Variants in FAM135B observed in about 807,000 individuals in gnomAD.
FAM135B encodes the protein family with sequence similarity 135 member B, also known as protein FAM135B.
FAM135B carries 43 observed loss-of-function variants against 127.7 expected under a neutral mutation model. The ratio of observed to expected loss-of-function variants is 0.34; its 90% CI spans 0.26 to 0.43. The LOEUF (loss-of-function observed/expected upper bound fraction) is 0.43. Ranked by LOEUF, FAM135B falls within the 20% of genes least tolerant of loss-of-function variation. The pLI is 1.00. For missense variants in FAM135B, 1,558 were observed against 1,725.6 expected (o/e 0.90, Z 1.72); for synonymous variants, 670 against 665.1 (o/e 1.01, Z -0.11).
In FAM135B at chr8:138,256,739, T is replaced by C. The variant is rs1042142476; in HGVS notation, c.318A>G (p.Glu106=). 1.9e-6 allele frequency: 3 copies of C among 1,613,908 alleles called. No individual in the cohort carries two copies. Among genetic ancestry groups the C allele is most frequent in the Non-Finnish European group, 2.5e-6 (3 of 1,179,884 alleles). ...GGERMEDALS[E]VDFQLKVDLH... is the part of the protein sequence containing the mutation. ...GATCCACCTTGAGTTGAAAATCTAC[T>C]TCACTCAGTGCGTCTTCCATCTGCA... Residue 106 remains glutamate (E), a synonymous_variant, in exon 5 of 20, where the codon GAA becomes GAG. Transcript: ENST00000395297.
chr8:138,283,459 G>T (rs1187383562), intron 3 of FAM135B, among the ~76,000 whole-genome samples: 9 of 152,036 alleles, frequency 5.9e-5, no homozygotes, highest in African/African-American at 2.2e-4. Context: ...GTTAAGGGAG[G>T]TGGAGGGATT....
In FAM135B at chr8:138,381,233, C is replaced by T. The variant is rs577726171; in HGVS notation, c.-19-13231G>A. On this transcript the variant is annotated intron_variant, in intron 1 of 19. Coordinates refer to ENST00000395297, the MANE Select transcript of FAM135B (RefSeq NM_015912.4). The stretch of plus-strand genomic sequence containing the variant: ...CTCGCTGTGTCACCACTACCACAAA[C>T]AAACCCTCTCAAAATACTCTCATCA... 5.3e-5 allele frequency among the ~76,000 whole-genome samples: 8 copies of T among 152,276 alleles called. No individual in the cohort carries two copies. The South Asian group carries it at 1.5e-3, about 28-fold the overall frequency.
At chr8:138,266,702 A>G (rs1822962887) in intron 3 of FAM135B, among the ~76,000 whole-genome samples, 1 of 150,602 alleles carries the variant, frequency 6.6e-6, no homozygotes. Context: ...ATTGTGGGGG[A>G]ACAAATGGAC....
chr8:138,297,971 C>G (rs1416070056), intron 3 of FAM135B, among the ~76,000 whole-genome samples: 2 of 152,176 alleles, frequency 1.3e-5, no homozygotes, highest in Non-Finnish European at 2.9e-5. Context: ...AGGGAACAAA[C>G]AACACTTGCC....
At chr8:138,342,409 A>G (rs1829114429) in intron 2 of FAM135B, among the ~76,000 whole-genome samples, 1 of 152,194 alleles carries the variant, frequency 6.6e-6, no homozygotes, top group Non-Finnish European at 1.5e-5. Flanking sequence ...AAAATCAGCA[A>G]AGGCAGCTGC....
At chr8:138,455,456 A>C (rs1293346087) in intron 1 of FAM135B, among the ~76,000 whole-genome samples, 1 of 152,192 alleles carries the variant, frequency 6.6e-6, no homozygotes, top group Non-Finnish European at 1.5e-5. Flanking sequence ...AATAATAATA[A>C]ACAATAACAA....
chr8:138,366,618 G>C (rs563446017), intron 2 of FAM135B, among the ~76,000 whole-genome samples: 1 of 152,174 alleles, frequency 6.6e-6, no homozygotes, highest in African/African-American at 2.4e-5. Context: ...TGGAGTTCAG[G>C]TCACCTGCCA....
At chr8:138,212,891 C>T (rs1343449717) in intron 7 of FAM135B, among the ~76,000 whole-genome samples, 5 of 152,172 alleles carry the variant, frequency 3.3e-5, no homozygotes, top group Admixed American at 1.3e-4. Flanking sequence ...AAACACCTTT[C>T]TGATGAATGT....
rs991101788 is a variant in FAM135B, at chr8:138,142,747, C to T, written c.3638+265G>A. 1.5e-4 allele frequency: 51 copies of T among 350,158 alleles called. No individual in the cohort carries two copies. In the East Asian group the frequency reaches 2.6e-3, roughly 18 times the overall value. The allele number at this position is 350,158 out of a possible 1,614,324, so 21.7% of individuals were successfully genotyped here. On this transcript the variant is annotated intron_variant, in intron 16 of 19. Coordinates refer to ENST00000395297, the MANE Select transcript of FAM135B (RefSeq NM_015912.4). Reference sequence around the variant, plus strand: ...ACTTGTGAGTGTTAGAACAAGAATTCAAACCTAGGAATTTTTGTTTTAAGT... The same window carrying T: ...ACTTGTGAGTGTTAGAACAAGAATTTAAACCTAGGAATTTTTGTTTTAAGT...
Position 138,132,900 on chromosome 8 carries a change from C to G in FAM135B, c.4016-102G>C. On this transcript the variant is annotated intron_variant, in intron 19 of 19. Transcript: ENST00000395297. The surrounding 1 kb of genome is among the most constrained non-coding windows in gnomAD (Gnocchi z 4.5). ...GTCGAAATTCTGTTCCTGGGCAGACCTGTTATACAGCAGTTTCCAACCTCT... is the reference window on the plus strand; with the variant it reads ...GTCGAAATTCTGTTCCTGGGCAGACGTGTTATACAGCAGTTTCCAACCTCT... 1 of 998,162 alleles carries G rather than the reference C, an allele frequency of 1.0e-6. No homozygotes were observed. Among genetic ancestry groups the G allele is most frequent in the Non-Finnish European group, 1.6e-6 (1 of 633,628 alleles). The allele number at this position is 998,162 out of a possible 1,614,324, so 61.8% of individuals were successfully genotyped here. A position where few individuals can be genotyped will look rare whatever the true frequency, so the allele number is the denominator to read the frequency against.
chr8:138,400,827 C>T (rs1442255335), intron 1 of FAM135B, among the ~76,000 whole-genome samples: 1 of 152,174 alleles, frequency 6.6e-6, no homozygotes. Flanking sequence ...TGTTCCAAAA[C>T]ACCAAAATGT....
intron 2 of FAM135B, among the ~76,000 whole-genome samples, chr8:138,362,634 T>C (rs974413420): frequency 1.3e-5 from 2 of 152,168 alleles, no homozygotes; most frequent in Non-Finnish European, 2.9e-5. Context: ...ACAGAAGTTA[T>C]AGAGAGTCTT....
intron 1 of FAM135B, among the ~76,000 whole-genome samples, chr8:138,390,752 A>AG (rs1044989917): frequency 4.6e-5 from 7 of 152,316 alleles, no homozygotes; most frequent in Admixed American, 1.3e-4. Flanking sequence ...CAAAAGCAGA[A>AG]GGCAGAGGAA....
chr8:138,391,723 T>C (rs1832589341), intron 1 of FAM135B, among the ~76,000 whole-genome samples: 1 of 135,046 alleles, frequency 7.4e-6, no homozygotes, highest in Non-Finnish European at 1.7e-5. Flanking sequence ...TGTCAGGCAC[T>C]GTTCTAAGGT....
At chr8:138,491,056 G>A (rs549762252) in intron 1 of FAM135B, among the ~76,000 whole-genome samples, 54 of 150,290 alleles carry the variant, frequency 3.6e-4, no homozygotes, top group Middle Eastern at 3.4e-3. Flanking sequence ...CAGGAGAATC[G>A]CTTCAACCCA....
intron 2 of FAM135B, among the ~76,000 whole-genome samples, chr8:138,336,651 G>C (rs1828615435): frequency 1.3e-5 from 2 of 152,134 alleles, no homozygotes; most frequent in South Asian, 4.1e-4. Flanking sequence ...GGACCAGATG[G>C]ATTCACAGCC....
intron 1 of FAM135B, among the ~76,000 whole-genome samples, chr8:138,468,809 C>A (rs1040127868): frequency 5.9e-5 from 9 of 152,146 alleles, no homozygotes; most frequent in Admixed American, 1.3e-4. Flanking sequence ...CATTGGGAGG[C>A]CAAGGCGGGC....
At chr8:138,429,449 T>A (rs994698711) in intron 1 of FAM135B, among the ~76,000 whole-genome samples, 1 of 152,164 alleles carries the variant, frequency 6.6e-6, no homozygotes. Flanking sequence ...CCAAGCCCCA[T>A]GTGACGAACT....
chr8:138,139,657 T>C (rs1330555600), intron 17 of FAM135B, among the ~76,000 whole-genome samples: 1 of 152,150 alleles, frequency 6.6e-6, no homozygotes. Context: ...TCCCAGCTAC[T>C]TGGGAGGCTG....
Sources: allele counts gnomAD v4.1 joint callset (sites outside exome capture counted in the v4.1 genomes callset), GRCh38; gene constraint gnomAD v4.1.1; non-coding constraint Gnocchi (gnomAD v3.1); transcripts MANE v1.5; gene names NCBI Gene and HGNC (gene_info 2026-07-23, HGNC 2026-07-21).